The following SORCS3 variants were observed in gnomAD, a reference collection of about 807,000 sequenced individuals.
The protein encoded by SORCS3 is sortilin related VPS10 domain containing receptor 3.
Under a neutral mutation model 146.3 loss-of-function variants are expected in SORCS3, and 57 were observed. The ratio of observed to expected loss-of-function variants is 0.39; its 90% confidence interval spans 0.31 to 0.49. SORCS3 has a LOEUF of 0.49. Ranked by LOEUF, SORCS3 falls within the 20% of genes least tolerant of loss-of-function variation. The pLI is 0.92. For missense variants in SORCS3, 1,341 were observed against 1,575.5 expected, an observed-to-expected ratio of 0.85 and a Z score of 2.52; for synonymous variants, 653 against 618.5, an observed-to-expected ratio of 1.06 and a Z score of -0.83.
chr10:104,919,554 G>A (rs2019066284), intron 3 of SORCS3, among the ~76,000 whole-genome samples: 2 of 152,032 alleles, frequency 1.3e-5, no homozygotes, highest in African/African-American at 2.4e-5. Flanking sequence ...GCCAGGCGTG[G>A]TGGTACATGC....
intron 1 of SORCS3, among the ~76,000 whole-genome samples, chr10:104,742,000 T>A (rs1314143775): frequency 6.6e-6 from 1 of 151,986 alleles, no homozygotes; most frequent in African/African-American, 2.4e-5. Context: ...TTGGTATCAG[T>A]GTTTTTTTAA....
intron 1 of SORCS3, among the ~76,000 whole-genome samples, chr10:104,744,476 T>C (rs2016884893): frequency 6.6e-6 from 1 of 152,214 alleles, no homozygotes; most frequent in East Asian, 1.9e-4. Flanking sequence ...AAGCATTTGA[T>C]TTTTCTTGTA....
intron 1 of SORCS3, among the ~76,000 whole-genome samples, chr10:104,814,425 T>A (rs1257723537): frequency 6.6e-6 from 1 of 152,208 alleles, no homozygotes; most frequent in Non-Finnish European, 1.5e-5. Flanking sequence ...TCAACTGTCT[T>A]TGTCATTCCT....
chr10:104,914,564 A>T (rs542785933), intron 2 of SORCS3, among the ~76,000 whole-genome samples: 103 of 152,298 alleles, frequency 6.8e-4, no homozygotes, highest in African/African-American at 2.3e-3. Context: ...GGCACAAGCC[A>T]TCGGGCTGAT....
chr10:104,968,479 A>G (rs1482664640), intron 3 of SORCS3, among the ~76,000 whole-genome samples: 1 of 152,202 alleles, frequency 6.6e-6, no homozygotes, highest in Admixed American at 6.5e-5. Context: ...AGACATCTGC[A>G]TTGAGAGCCT....
At chr10:104,930,643 G>C (rs1418620026) in intron 3 of SORCS3, among the ~76,000 whole-genome samples, 2 of 152,210 alleles carry the variant, frequency 1.3e-5, no homozygotes, top group Admixed American at 6.5e-5. Context: ...TAATTCATAA[G>C]AGTAAGCATC....
intron 3 of SORCS3, among the ~76,000 whole-genome samples, chr10:104,916,983 C>G (rs989197793): frequency 1.9e-4 from 29 of 152,164 alleles, no homozygotes; most frequent in African/African-American, 7.0e-4. Flanking sequence ...GAGCCACTAG[C>G]AGAATAATGT....
intron 6 of SORCS3, among the ~76,000 whole-genome samples, chr10:105,101,549 C>T (rs563372392): frequency 6.6e-6 from 1 of 152,282 alleles, no homozygotes; most frequent in African/African-American, 2.4e-5. Flanking sequence ...TTAAATTGGA[C>T]CTTTCATTCC....
chr10:104,919,367 A>AT (rs34496681), intron 3 of SORCS3, among the ~76,000 whole-genome samples: 47,404 of 148,450 alleles, frequency 0.32, 8,936 homozygotes, highest in African/African-American at 0.54. Flanking sequence ...AATGGCATGG[A>AT]TTTTTTTTTT....
chr10:105,147,741 A>G lies in SORCS3; in HGVS notation c.1427A>G (p.Glu476Gly), dbSNP rs1441740347. The G allele has an allele frequency of 1.9e-6, 3 of 1,613,104 alleles. No homozygotes were observed. The highest frequency in any genetic ancestry group is 2.5e-6 in the Non-Finnish European group (3 of 1,179,308). ...TRGIYFTLAM[E>G]NIKSSRGLMG... ...GGGATTTACTTCACTCTGGCCATGG[A>G]GAACATCAAGAGCAGCAGAGGTCTA... Residue 476 changes from glutamate (E) to glycine (G), a missense_variant, in exon 9 of 27, where the codon GAG (glutamate) becomes GGG (glycine). Physicochemically the swap from Glu to Gly is moderately conservative, Grantham distance 98. Coordinates refer to ENST00000369701, the MANE Select transcript of SORCS3 (RefSeq NM_014978.3).
At position 104,915,945 on chromosome 10, in the gene SORCS3, G is replaced by A; in HGVS notation, c.795+13G>A. On this transcript the variant is annotated intron_variant, in intron 3 of 26. Coordinates refer to ENST00000369701, the MANE Select transcript of SORCS3 (RefSeq NM_014978.3). ...CAACAAAAGGAAGGTAAGAGACTGG[G>A]TCAGTAGGTCCTGAGCACTCCTGCT... The A allele has an allele frequency of 1.2e-6, 2 of 1,600,936 alleles. No individual in the cohort carries two copies. Among genetic ancestry groups the A allele is most frequent in the South Asian group, 1.1e-5 (1 of 90,814 alleles).
At chr10:105,193,960 C>T (rs1165604941) in intron 14 of SORCS3, among the ~76,000 whole-genome samples, 7 of 151,974 alleles carry the variant, frequency 4.6e-5, no homozygotes. Context: ...GAGTGGTTGT[C>T]AAATACTCTC....
intron 1 of SORCS3, among the ~76,000 whole-genome samples, chr10:104,751,911 T>C (rs1377032964): frequency 2.8e-5 from 3 of 105,872 alleles, no homozygotes; most frequent in African/African-American, 9.4e-5. Context: ...AAAATGTAAA[T>C]GCTAATAGGA....
At chr10:104,832,931 T>C (rs2018018077) in intron 1 of SORCS3, among the ~76,000 whole-genome samples, 2 of 152,130 alleles carry the variant, frequency 1.3e-5, no homozygotes, top group Middle Eastern at 3.2e-3. Context: ...ACCTTGGTAT[T>C]TGGACCATAT....
chr10:104,890,507 C>A (rs2018739360), intron 2 of SORCS3, among the ~76,000 whole-genome samples: 1 of 152,098 alleles, frequency 6.6e-6, no homozygotes, highest in South Asian at 2.1e-4. Context: ...TCATCTCATT[C>A]ATTATAATTT....
chr10:104,825,062 C>G (rs980333139), intron 1 of SORCS3, among the ~76,000 whole-genome samples: 2 of 152,204 alleles, frequency 1.3e-5, no homozygotes, highest in Non-Finnish European at 2.9e-5. Flanking sequence ...GCTTTTATCT[C>G]TGTGTCAGTG....
At chr10:104,688,153 G>A (rs1360570812) in intron 1 of SORCS3, among the ~76,000 whole-genome samples, 1 of 152,240 alleles carries the variant, frequency 6.6e-6, no homozygotes, top group African/African-American at 2.4e-5. Context: ...GAGTCTCCCA[G>A]AAGCGGGTCT....
At chr10:104,803,912 T>C (rs1231270736) in intron 1 of SORCS3, among the ~76,000 whole-genome samples, 1 of 152,108 alleles carries the variant, frequency 6.6e-6, no homozygotes, top group Non-Finnish European at 1.5e-5. Flanking sequence ...GATTTCCAGC[T>C]CCCTACTAAA....
At chr10:104,644,678 G>A (rs1483905840) in intron 1 of SORCS3, among the ~76,000 whole-genome samples, 1 of 152,200 alleles carries the variant, frequency 6.6e-6, no homozygotes, top group East Asian at 1.9e-4. Context: ...TTATGACGTG[G>A]AAAGAGAATT....
Sources: allele counts gnomAD v4.1 joint callset (sites outside exome capture counted in the v4.1 genomes callset), GRCh38; gene constraint gnomAD v4.1.1; transcripts MANE v1.5; gene names NCBI Gene and HGNC (gene_info 2026-07-23, HGNC 2026-07-21).